MYO1B: variants seen among roughly 807,000 people sequenced by gnomAD.
MYO1B encodes the protein unconventional myosin-Ib.
MYO1B carries 72 observed loss-of-function variants against 159.7 expected under a neutral mutation model. That is an observed-to-expected ratio of 0.45 (90% confidence interval 0.37 to 0.55). The LOEUF is 0.55. MYO1B is among the 20% of genes least tolerant of loss of function. The probability of loss-of-function intolerance (pLI) is 0.00; values close to 1 mark genes in which losing one functional copy is unlikely to be tolerated. For missense variants in MYO1B, 1,062 were observed against 1,364.8 expected, an observed-to-expected ratio of 0.78 and a Z score of 3.50; for synonymous variants, 468 against 473.8, an observed-to-expected ratio of 0.99 and a Z score of 0.16.
intron 2 of MYO1B, among the ~76,000 whole-genome samples, chr2:191,288,007 G>T (rs1396221958): frequency 6.6e-6 from 1 of 151,848 alleles, no homozygotes; most frequent in Non-Finnish European, 1.5e-5. Flanking sequence ...CTCTGTCTGT[G>T]TTTTAATCTG....
At chr2:191,350,298 G>A in intron 7 of MYO1B, 73 bp downstream of exon 7, 1 of 1,127,498 alleles carries the variant, frequency 8.9e-7, no homozygotes, top group Non-Finnish European at 1.3e-6. Flanking sequence ...GAATAGTTTA[G>A]ATACTTGTGT....
chr2:191,398,487 C>T (rs1341466372), intron 21 of MYO1B, among the ~76,000 whole-genome samples: 4 of 148,676 alleles, frequency 2.7e-5, no homozygotes, highest in South Asian at 2.1e-4. Context: ...GGCTGCCGGA[C>T]GGAGGGGCTC....
intron 3 of MYO1B, among the ~76,000 whole-genome samples, chr2:191,306,967 C>T (rs919392985): frequency 6.6e-6 from 1 of 152,166 alleles, no homozygotes; most frequent in Non-Finnish European, 1.5e-5. Context: ...AGTTTGTTTA[C>T]TGGAAAGGGG....
At chr2:191,412,205 A>T (rs575793790) in intron 27 of MYO1B, among the ~76,000 whole-genome samples, 272 of 152,350 alleles carry the variant, frequency 1.8e-3, no homozygotes, top group African/African-American at 6.1e-3. Flanking sequence ...CCTGTTATAT[A>T]AAGCATATTC....
chr2:191,404,461 G>C (rs886825527), intron 24 of MYO1B, among the ~76,000 whole-genome samples: 4 of 152,102 alleles, frequency 2.6e-5, no homozygotes, highest in African/African-American at 9.7e-5. Flanking sequence ...AATTTCAGGA[G>C]CCAATTATTA....
intron 1 of MYO1B, among the ~76,000 whole-genome samples, chr2:191,265,952 G>T (rs945133542): frequency 2.0e-5 from 3 of 152,160 alleles, no homozygotes; most frequent in East Asian, 1.9e-4. Flanking sequence ...TGTGGCAGGT[G>T]GGGGGTCCAT....
rs192145265 is a variant in MYO1B, at chr2:191,335,814, A to G, written c.347-5647A>G. On this transcript the variant is annotated intron_variant, in intron 4 of 30. Transcript: ENST00000392318. ...CTGGGTCATAAACCCTCCTTGGCAGATGATGATGTTATTGGTCTTAAACAT... is the reference window on the plus strand; with the variant it reads ...CTGGGTCATAAACCCTCCTTGGCAGGTGATGATGTTATTGGTCTTAAACAT... Among the ~76,000 whole-genome samples, 25 of 152,330 alleles carry G rather than the reference A, an allele frequency of 1.6e-4. No individual in the cohort carries two copies. The East Asian group carries it at 4.8e-3, about 29-fold the overall frequency.
intron 11 of MYO1B, among the ~76,000 whole-genome samples, chr2:191,369,070 A>T (rs1268430908): frequency 3.3e-5 from 5 of 152,128 alleles, no homozygotes; most frequent in South Asian, 2.1e-4. Flanking sequence ...TTGAATTTCC[A>T]TTTCTGTGTA....
Position 191,325,610 on chromosome 2 carries a change from C to T in MYO1B, c.252-4325C>T, listed in dbSNP as rs114080438. Among the ~76,000 whole-genome samples the T allele has an allele frequency of 3.7e-3, 565 of 152,130 alleles. 4 individuals carry two copies. The highest frequency in any genetic ancestry group is 0.013 in the African/African-American group (542 of 41,504). ...AAGAACATAAGCTTTGGATGTATTT[C>T]GGTGTCACAGACATCTTTTCTGCTT... On this transcript the variant is annotated intron_variant, in intron 3 of 30. Transcript: ENST00000392318.
chr2:191,361,604 A>C (rs1693677249), intron 8 of MYO1B, among the ~76,000 whole-genome samples: 2 of 150,640 alleles, frequency 1.3e-5, no homozygotes, highest in South Asian at 2.1e-4. Context: ...TATATAATAT[A>C]TACATATACT....
chr2:191,334,268 G>C (rs182693930), intron 4 of MYO1B, among the ~76,000 whole-genome samples: 64 of 152,146 alleles, frequency 4.2e-4, no homozygotes, highest in African/African-American at 1.5e-3. Flanking sequence ...CCACTAATTA[G>C]CTATGTCAGT....
chr2:191,276,784 G>C, intron 1 of MYO1B, 103 bp from the exon 2 acceptor site: 1 of 1,327,216 alleles, frequency 7.5e-7, no homozygotes, highest in Admixed American at 2.3e-5. Context: ...AGGCTAGTGA[G>C]AGTCATTTGG....
At chr2:191,253,651 G>GA (rs1205213096) in intron 1 of MYO1B, among the ~76,000 whole-genome samples, 2 of 151,926 alleles carry the variant, frequency 1.3e-5, no homozygotes, top group Non-Finnish European at 1.5e-5. Flanking sequence ...TAAATTATTG[G>GA]AATTCCCACA....
intron 1 of MYO1B, 84 bp from the exon 2 acceptor site, chr2:191,276,803 G>T: frequency 6.9e-7 from 1 of 1,449,384 alleles, no homozygotes. Context: ...GGAGCTACCA[G>T]TGTTGGATTT....
chr2:191,270,244 T>G (rs1426550441), intron 1 of MYO1B, among the ~76,000 whole-genome samples: 2 of 152,204 alleles, frequency 1.3e-5, no homozygotes, highest in African/African-American at 4.8e-5. Flanking sequence ...TTCAAAAGGA[T>G]TCTAATAAGT....
intron 2 of MYO1B, among the ~76,000 whole-genome samples, chr2:191,292,404 A>G (rs58106487): frequency 0.37 from 56,983 of 152,018 alleles, 10,919 homozygotes; most frequent in Middle Eastern, 0.53. Flanking sequence ...CTAGAGAGGT[A>G]GAACAGCTCG....
At chr2:191,326,694 A>G (rs1691092688) in intron 3 of MYO1B, among the ~76,000 whole-genome samples, 1 of 151,700 alleles carries the variant, frequency 6.6e-6, no homozygotes, top group African/African-American at 2.4e-5. Flanking sequence ...ATAAGTATTC[A>G]ACTTAGGTTC....
chr2:191,306,969 G>A (rs1237137573), intron 3 of MYO1B, among the ~76,000 whole-genome samples: 1 of 152,192 alleles, frequency 6.6e-6, no homozygotes, highest in Non-Finnish European at 1.5e-5. Context: ...TTTGTTTACT[G>A]GAAAGGGGTC....
intron 13 of MYO1B, among the ~76,000 whole-genome samples, chr2:191,373,415 A>G (rs1475701924): frequency 6.6e-6 from 1 of 152,166 alleles, no homozygotes; most frequent in Non-Finnish European, 1.5e-5. Context: ...TAAACTGCAG[A>G]TTCCAAACAT....
Sources: allele counts gnomAD v4.1 joint callset (sites outside exome capture counted in the v4.1 genomes callset), GRCh38; gene constraint gnomAD v4.1.1; transcripts MANE v1.5; gene names NCBI Gene and HGNC (gene_info 2026-07-23, HGNC 2026-07-21).